ALPL: variants seen among roughly 807,000 people sequenced by gnomAD.
ALPL encodes the protein alkaline phosphatase, tissue-nonspecific isozyme.
In ALPL, 42 loss-of-function variants were observed where a neutral mutation model predicts 51.3. The observed-to-expected ratio is 0.82, with a 90% CI of 0.64 to 1.06. ALPL has a LOEUF of 1.06. Among genes scored for constraint, ALPL ranks in the 50% least tolerant of loss-of-function variants. The pLI is 0.00. For missense variants in ALPL, 589 were observed against 709.4 expected (o/e 0.83, Z 1.93); for synonymous variants, 279 against 296.4 (o/e 0.94, Z 0.60).
intron 1 of ALPL, among the ~76,000 whole-genome samples, chr1:21,515,402 T>C (rs1461008103): frequency 2.0e-5 from 3 of 152,118 alleles, no homozygotes; most frequent in Non-Finnish European, 4.4e-5. Context: ...CAGGTGACCC[T>C]TTTTTAGACT....
At chr1:21,553,708 A>T (rs757793756) in intron 1 of ALPL, among the ~76,000 whole-genome samples, 12 of 152,236 alleles carry the variant, frequency 7.9e-5, no homozygotes, top group Non-Finnish European at 1.5e-4. Context: ...GGGGCTTCAG[A>T]TGAATTGAAA....
chr1:21,542,895 T>G (rs1158877324), intron 1 of ALPL, among the ~76,000 whole-genome samples: 1 of 152,074 alleles, frequency 6.6e-6, no homozygotes. Flanking sequence ...CTTATACCTG[T>G]AATCCAAGCA....
chr1:21,536,704 C>G (rs1449507174), intron 1 of ALPL, among the ~76,000 whole-genome samples: 1 of 151,982 alleles, frequency 6.6e-6, no homozygotes, highest in Non-Finnish European at 1.5e-5. Context: ...GGGATCAGTC[C>G]CACCCAAACC....
At chr1:21,547,482 C>T (rs1267339377) in intron 1 of ALPL, among the ~76,000 whole-genome samples, 1 of 152,162 alleles carries the variant, frequency 6.6e-6, no homozygotes, top group Non-Finnish European at 1.5e-5. Flanking sequence ...GATCCTGGGC[C>T]TCCTTTGTTT....
At chr1:21,529,805 A>T (rs957669) in intron 1 of ALPL, among the ~76,000 whole-genome samples, 19,765 of 151,326 alleles carry the variant, frequency 0.13, 1,853 homozygotes, top group East Asian at 0.48. Flanking sequence ...CAGGGTCTCC[A>T]CTGTTGCCCA....
intron 2 of ALPL, among the ~76,000 whole-genome samples, chr1:21,554,645 C>T (rs1295679920): frequency 3.3e-5 from 5 of 151,362 alleles, no homozygotes; most frequent in South Asian, 2.1e-4. Flanking sequence ...TGCCCGCCAC[C>T]GCGCCAGGCT....
chr1:21,522,114 C>G (rs1173178057), intron 1 of ALPL, among the ~76,000 whole-genome samples: 2 of 151,252 alleles, frequency 1.3e-5, no homozygotes, highest in Non-Finnish European at 2.9e-5. Context: ...CTCTGTCGCC[C>G]AGGCTGGAGT....
chr1:21,570,311 C>T lies in ALPL; in HGVS notation c.799C>T (p.His267Tyr). ...ACACAGCCCTTCCTCCTAGCACTCCCACTTCATCTGGAACCGCACGGAACT... is the reference window on the plus strand; with the variant it reads ...ACACAGCCCTTCCTCCTAGCACTCCTACTTCATCTGGAACCGCACGGAACT... ...KSFKPRYKHSHFIWNRTELLT... is the reference protein window; with the variant it reads ...KSFKPRYKHSYFIWNRTELLT... Residue 267 changes from histidine to tyrosine, a missense_variant, in exon 8 of 12, where the codon CAC becomes TAC. His to Tyr is a moderately conservative substitution (Grantham distance 83). Transcript: ENST00000374840. 6.2e-7 allele frequency: 1 copy of T among 1,614,144 alleles called. No individual in the cohort carries two copies. Among genetic ancestry groups the T allele is most frequent in the African/African-American group, 1.3e-5 (1 of 75,046 alleles).
chr1:21,525,033 AG>A (rs1393880877), intron 1 of ALPL, among the ~76,000 whole-genome samples: 1 of 152,318 alleles, frequency 6.6e-6, no homozygotes, highest in East Asian at 1.9e-4. Context: ...TTTCTATCTG[AG>A]GCTTCCAGAG....
chr1:21,566,987 A>C (rs1234035296), intron 6 of ALPL, among the ~76,000 whole-genome samples: 1 of 152,212 alleles, frequency 6.6e-6, no homozygotes, highest in East Asian at 1.9e-4. Flanking sequence ...TTCAAACCCA[A>C]GTCTGACTTC....
At chr1:21,563,610 A>G (rs1052786734) in intron 5 of ALPL, among the ~76,000 whole-genome samples, 1 of 152,144 alleles carries the variant, frequency 6.6e-6, no homozygotes, top group African/African-American at 2.4e-5. Flanking sequence ...TGTGGGGTGC[A>G]GTCCATGGCC....
chr1:21,566,432 C>T (rs112329337), intron 6 of ALPL, among the ~76,000 whole-genome samples: 119 of 152,100 alleles, frequency 7.8e-4, no homozygotes, highest in African/African-American at 2.7e-3. Flanking sequence ...TATAGGCGCA[C>T]ATCACCACGC....
chr1:21,556,067 C>T (rs1257100364), intron 2 of ALPL, among the ~76,000 whole-genome samples: 1 of 152,172 alleles, frequency 6.6e-6, no homozygotes, highest in Non-Finnish European at 1.5e-5. Context: ...GCCACCGCAC[C>T]CGGCCGAGTT....
chr1:21,557,949 G>C (rs1364261170), intron 2 of ALPL, among the ~76,000 whole-genome samples: 1 of 152,168 alleles, frequency 6.6e-6, no homozygotes, highest in African/African-American at 2.4e-5. Flanking sequence ...CCAGAGACTT[G>C]CTTTGCCTGT....
intron 4 of ALPL, among the ~76,000 whole-genome samples, chr1:21,562,533 A>AG (rs1304069199): frequency 6.6e-6 from 1 of 151,998 alleles, no homozygotes; most frequent in African/African-American, 2.4e-5. Flanking sequence ...TGTGCCTTCA[A>AG]GGTGCTCTCA....
chr1:21,542,581 C>A (rs1644200406), intron 1 of ALPL, among the ~76,000 whole-genome samples: 2 of 152,248 alleles, frequency 1.3e-5, no homozygotes, highest in Non-Finnish European at 2.9e-5. Flanking sequence ...GTGGCTCACG[C>A]CTGTAATCCC....
intron 1 of ALPL, among the ~76,000 whole-genome samples, chr1:21,519,887 A>G (rs1358133254): frequency 6.6e-6 from 1 of 152,140 alleles, no homozygotes; most frequent in Non-Finnish European, 1.5e-5. Context: ...GCACCAAGGA[A>G]TTAGGTACCC....
At chr1:21,515,458 G>T (rs976348371) in intron 1 of ALPL, among the ~76,000 whole-genome samples, 1 of 152,092 alleles carries the variant, frequency 6.6e-6, no homozygotes, top group African/African-American at 2.4e-5. Flanking sequence ...GCGTGATCTC[G>T]GCTCACTACA....
intron 5 of ALPL, 110 bp downstream of exon 5, chr1:21,563,394 C>G (rs1644515133): frequency 2.3e-6 from 3 of 1,331,608 alleles, no homozygotes; most frequent in South Asian, 3.0e-5. Context: ...CTGTGGGGCT[C>G]CCAGCTCTGA....
Sources: gnomAD v4.1 joint callset for allele counts (sites outside exome capture counted in the v4.1 genomes callset) on GRCh38, gnomAD v4.1.1 for gene constraint, MANE v1.5 for transcripts, NCBI Gene and HGNC (gene_info 2026-07-23, HGNC 2026-07-21) for gene names.